The following TTC34 variants were observed in gnomAD, a reference collection of about 807,000 sequenced individuals.
TTC34 encodes tetratricopeptide repeat protein 34.
Under a neutral mutation model 40.7 loss-of-function variants are expected in TTC34, and 44 were observed. The observed-to-expected ratio is 1.08, with a 90% CI of 0.85 to 1.39. TTC34 has a LOEUF of 1.39. TTC34 is among the 40% of genes most tolerant of loss of function. The probability of loss-of-function intolerance (pLI) is 0.00; values close to 1 mark genes in which losing one functional copy is unlikely to be tolerated. For synonymous variants in TTC34, 422 were observed against 398.6 expected (o/e 1.06, Z -0.70); for missense variants, 884 against 838.0 (o/e 1.05, Z -0.68).
chr1:2,768,603 C>T (rs1323284508), intron 6 of TTC34, among the ~76,000 whole-genome samples: 1 of 151,940 alleles, frequency 6.6e-6, no homozygotes, highest in African/African-American at 2.4e-5. Context: ...AGCTGAAAGC[C>T]TGGAATGGTA....
At chr1:2,786,765 C>A (rs976368843) in intron 4 of TTC34, among the ~76,000 whole-genome samples, 2 of 152,192 alleles carry the variant, frequency 1.3e-5, no homozygotes, top group Non-Finnish European at 2.9e-5. Context: ...CCACAACGTC[C>A]CCTCTCCGCG....
chr1:2,771,567 C>CTG (rs1483581570), intron 6 of TTC34, among the ~76,000 whole-genome samples: 1 of 67,680 alleles, frequency 1.5e-5, no homozygotes. Context: ...CACACAACCC[C>CTG]AGGCGAGCAT....
intron 6 of TTC34, among the ~76,000 whole-genome samples, chr1:2,768,578 C>A (rs1172065142): frequency 6.6e-6 from 1 of 151,948 alleles, no homozygotes; most frequent in Non-Finnish European, 1.5e-5. Context: ...AGGCACTCCA[C>A]ACAGCCAGGT....
chr1:2,783,639 C>T lies in TTC34; in HGVS notation c.2196G>A (p.Ala732=), dbSNP rs61737656. 940 of 1,464,252 alleles carry T rather than the reference C, an allele frequency of 6.4e-4. 4 individuals are homozygous for T. The African/African-American group carries it at 0.012, about 18-fold the overall frequency. The allele number at this position is 1,464,252 out of a possible 1,614,324, so 90.7% of individuals were successfully genotyped here. The stretch of plus-strand genomic sequence containing the variant: ...GCTGGTCTAGGGCCAGGTGCACCAA[C>T]GCCCGTCCACACAGTGCCTGCACGT... The change falls in exon 6 of 9, where the codon GCG becomes GCA. Residue 732 remains alanine, a synonymous_variant. Transcript: ENST00000401095.
At chr1:2,787,391 G>C (rs1643604281) in intron 4 of TTC34, 90 bp downstream of exon 4, 1 of 1,218,074 alleles carries the variant, frequency 8.2e-7, no homozygotes, top group East Asian at 2.6e-5. Flanking sequence ...CAGACTGTGG[G>C]GTCCAGCGCC....
intron 6 of TTC34, among the ~76,000 whole-genome samples, chr1:2,751,611 CA>C (rs1245770346): frequency 1.8e-5 from 2 of 108,960 alleles, no homozygotes; most frequent in African/African-American, 4.4e-5. Flanking sequence ...CCCACACCCC[CA>C]GGCGAGCATC....
chr1:2,799,034 C>T (rs1643744486), intron 2 of TTC34, among the ~76,000 whole-genome samples: 1 of 147,492 alleles, frequency 6.8e-6, no homozygotes, highest in African/African-American at 2.5e-5. Context: ...TCCCAGCCCC[C>T]TAGCCTCCCA....
At chr1:2,790,964 C>G (rs1643656260) in intron 2 of TTC34, among the ~76,000 whole-genome samples, 3 of 152,192 alleles carry the variant, frequency 2.0e-5, no homozygotes. Flanking sequence ...TCTCCTGCGT[C>G]TGTTCCCTGG....
intron 6 of TTC34, among the ~76,000 whole-genome samples, chr1:2,685,545 A>C: frequency 8.2e-6 from 1 of 121,238 alleles, no homozygotes; most frequent in East Asian, 2.5e-4. Flanking sequence ...GACAACCTGG[A>C]GCAGCACCCA....
chr1:2,696,008 A>T (rs1362505430), intron 6 of TTC34, among the ~76,000 whole-genome samples: 15 of 113,532 alleles, frequency 1.3e-4, no homozygotes, highest in South Asian at 2.8e-4. Flanking sequence ...CCAGGTGAGC[A>T]TCTGACAGAC....
intron 6 of TTC34, among the ~76,000 whole-genome samples, chr1:2,683,934 G>T (rs1273440131): frequency 5.9e-5 from 1 of 16,896 alleles, no homozygotes; most frequent in East Asian, 2.3e-3. Context: ...GCATCTGATG[G>T]TCTGGAGCAG....
At chr1:2,779,697 C>T (rs920371247) in intron 6 of TTC34, among the ~76,000 whole-genome samples, 1 of 152,180 alleles carries the variant, frequency 6.6e-6, no homozygotes, top group Non-Finnish European at 1.5e-5. Flanking sequence ...TACCTTCCCA[C>T]CAATAGTGCA....
intron 6 of TTC34, among the ~76,000 whole-genome samples, chr1:2,671,810 C>A (rs1461834203): frequency 4.1e-5 from 6 of 146,672 alleles, no homozygotes; most frequent in African/African-American, 1.6e-4. Flanking sequence ...AGCATCTGAC[C>A]TCCCGGAGCA....
At chr1:2,797,652 G>A (rs1643721371) in intron 2 of TTC34, among the ~76,000 whole-genome samples, 1 of 152,104 alleles carries the variant, frequency 6.6e-6, no homozygotes, top group South Asian at 2.1e-4. Context: ...CTCGTCTCAG[G>A]CACTCAGGGA....
At chr1:2,778,606 G>T (rs987402289) in intron 6 of TTC34, among the ~76,000 whole-genome samples, 1 of 152,212 alleles carries the variant, frequency 6.6e-6, no homozygotes, top group Non-Finnish European at 1.5e-5. Flanking sequence ...TTCACCCGAG[G>T]TTGATGGGAG....
Position 2,691,769 on chromosome 1 carries a change from T to G in TTC34, c.2227-46206A>C, listed in dbSNP as rs1156914047. Among the ~76,000 whole-genome samples the G allele has an allele frequency of 5.2e-4, 24 of 46,302 alleles. 1 individual carries two copies. The highest frequency in any genetic ancestry group is 6.6e-4 in the African/African-American group (9 of 13,596). 30.4% of individuals were successfully genotyped at this position (46,302 alleles called of 152,430 possible). ...TCCCAGGCAAGCATCTGAACGCAAATAGCAGCACCCACACCCCCAGGCGAG... is the reference window on the plus strand; with the variant it reads ...TCCCAGGCAAGCATCTGAACGCAAAGAGCAGCACCCACACCCCCAGGCGAG... On this transcript the variant is annotated intron_variant, in intron 6 of 8. Transcript: ENST00000401095.
At chr1:2,650,720 C>CT (rs957677957) in intron 6 of TTC34, among the ~76,000 whole-genome samples, 20 of 150,148 alleles carry the variant, frequency 1.3e-4, no homozygotes, top group African/African-American at 4.7e-4. Context: ...AGATGAGACT[C>CT]TGACAACGTA....
intron 6 of TTC34, among the ~76,000 whole-genome samples, chr1:2,647,688 G>A (rs183396559): frequency 5.9e-5 from 9 of 152,084 alleles, no homozygotes; most frequent in South Asian, 4.2e-4. Flanking sequence ...TCACTCTGTC[G>A]CCCAGGCTGG....
intron 6 of TTC34, among the ~76,000 whole-genome samples, chr1:2,697,604 AAC>A (rs1640926479): frequency 7.6e-6 from 1 of 132,374 alleles, no homozygotes; most frequent in African/African-American, 2.7e-5. Context: ...CAGCTCCCAC[AAC>A]CCCAGGTGAG....
Sources: gnomAD v4.1 joint callset for allele counts (sites outside exome capture counted in the v4.1 genomes callset) on GRCh38, gnomAD v4.1.1 for gene constraint, MANE v1.5 for transcripts, NCBI Gene and HGNC (gene_info 2026-07-23, HGNC 2026-07-21) for gene names.